Variants in PARD3B observed in about 807,000 individuals in gnomAD.
PARD3B encodes the protein par-3 family cell polarity regulator beta, also known as partitioning defective 3 homolog B.
A neutral mutation model predicts 130.2 loss-of-function variants in PARD3B; 103 were observed. That is an observed-to-expected ratio of 0.79 (90% confidence interval 0.67 to 0.93). PARD3B has a LOEUF of 0.93. Ranked by LOEUF, PARD3B falls within the 40% of genes least tolerant of loss-of-function variation. The pLI is 0.00. For missense variants in PARD3B, 1,609 were observed against 1,499.2 expected (o/e 1.07, Z -1.21); for synonymous variants, 583 against 553.2 (o/e 1.05, Z -0.76).
At chr2:204,847,751 T>G (rs1369180101) in intron 2 of PARD3B, among the ~76,000 whole-genome samples, 1 of 152,056 alleles carries the variant, frequency 6.6e-6, no homozygotes, top group Non-Finnish European at 1.5e-5. Flanking sequence ...GAAGCATAAG[T>G]GTAGTGTTGT....
At chr2:205,482,363 T>C (rs1161874671) in intron 20 of PARD3B, among the ~76,000 whole-genome samples, 1 of 152,134 alleles carries the variant, frequency 6.6e-6, no homozygotes, top group Non-Finnish European at 1.5e-5. Flanking sequence ...CTGGGCAGTT[T>C]TAGCAGTGGT....
chr2:204,739,893 A>G (rs2039924955), intron 2 of PARD3B, among the ~76,000 whole-genome samples: 1 of 152,074 alleles, frequency 6.6e-6, no homozygotes. Context: ...TTTATTTTGT[A>G]ATCATAACAC....
chr2:205,140,776 A>T (rs1277960011), intron 10 of PARD3B, among the ~76,000 whole-genome samples: 2 of 152,210 alleles, frequency 1.3e-5, no homozygotes, highest in Non-Finnish European at 2.9e-5. Flanking sequence ...GTACTTATTC[A>T]TAAATCTAGA....
intron 1 of PARD3B, among the ~76,000 whole-genome samples, chr2:204,594,166 G>A (rs917875092): frequency 6.6e-6 from 1 of 152,174 alleles, no homozygotes; most frequent in Non-Finnish European, 1.5e-5. Context: ...TTGGAGATGA[G>A]GTCGAATGCT....
chr2:205,374,217 A>G (rs1186807986), intron 18 of PARD3B, among the ~76,000 whole-genome samples: 1 of 151,352 alleles, frequency 6.6e-6, no homozygotes, highest in East Asian at 1.9e-4. Flanking sequence ...TCATAATCCC[A>G]TACAAAACAA....
chr2:205,374,794 T>A (rs2044974234), intron 18 of PARD3B, among the ~76,000 whole-genome samples: 1 of 151,932 alleles, frequency 6.6e-6, no homozygotes, highest in African/African-American at 2.4e-5. Context: ...AGATTAAGAG[T>A]GTAACCATAA....
At chr2:204,804,951 C>T (rs926052669) in intron 2 of PARD3B, among the ~76,000 whole-genome samples, 3 of 151,776 alleles carry the variant, frequency 2.0e-5, no homozygotes, top group Non-Finnish European at 2.9e-5. Context: ...CATACCAAAA[C>T]TTATGGGACA....
chr2:204,708,980 G>A (rs2038311344), intron 2 of PARD3B, among the ~76,000 whole-genome samples: 1 of 152,082 alleles, frequency 6.6e-6, no homozygotes, highest in Non-Finnish European at 1.5e-5. Flanking sequence ...TCTTATTCTG[G>A]TGGATGGGAT....
chr2:205,047,875 T>A, intron 4 of PARD3B, 185 bp downstream of exon 4: 1 of 466,028 alleles, frequency 2.1e-6, no homozygotes, highest in Non-Finnish European at 3.8e-6. Context: ...CGATAGCTAT[T>A]ACGTATATGG....
chr2:205,211,708 A>G (rs1285143473), intron 15 of PARD3B, among the ~76,000 whole-genome samples: 1 of 152,084 alleles, frequency 6.6e-6, no homozygotes, highest in African/African-American at 2.4e-5. Flanking sequence ...TATAAAAATT[A>G]AAGTGAAAAT....
chr2:205,431,439 C>A (rs1219879318), intron 19 of PARD3B, among the ~76,000 whole-genome samples: 2 of 152,010 alleles, frequency 1.3e-5, no homozygotes, highest in African/African-American at 4.8e-5. Flanking sequence ...GTGCTATTAT[C>A]CTACTTTTGG....
intron 3 of PARD3B, among the ~76,000 whole-genome samples, chr2:205,008,561 C>G (rs569738264): frequency 6.6e-6 from 1 of 152,074 alleles, no homozygotes; most frequent in East Asian, 1.9e-4. Flanking sequence ...CTTGATTGCT[C>G]TACTATTAGA....
Position 205,254,670 on chromosome 2 carries a change from T to TA in PARD3B, c.2185+8848_2185+8849insA, listed in dbSNP as rs1491536276. On this transcript the variant is annotated intron_variant, in intron 16 of 22. Coordinates refer to ENST00000406610, the MANE Select transcript of PARD3B (RefSeq NM_001302769.2). ...AATTTCAGTATTTTATTTTATTTTA[T>TA]TTTTTTTTTTTGAGATGGAGTCTCG... Among the ~76,000 whole-genome samples, 5 of 125,286 alleles carry TA rather than the reference T, an allele frequency of 4.0e-5. No homozygotes were observed. In the East Asian group the frequency reaches 1.1e-3, roughly 27 times the overall value. 82.2% of individuals were successfully genotyped at this position (125,286 alleles called of 152,430 possible).
rs554370697 is a variant in PARD3B, at chr2:205,183,687, G to A, written c.1925-2077G>A. Reference sequence around the variant, plus strand: ...GGGGCAGAGCTTGGAGCAAGTCCTTGCCTTGTGTATTTCTCAGGGTTCTGC... The same window carrying A: ...GGGGCAGAGCTTGGAGCAAGTCCTTACCTTGTGTATTTCTCAGGGTTCTGC... On this transcript the variant is annotated intron_variant, in intron 13 of 22. Transcript: ENST00000406610. This position sits in a 1 kb window ranked among gnomAD's most constrained non-coding sequence, Gnocchi z 5.2. Among the ~76,000 whole-genome samples, 12 of 151,064 alleles carry A rather than the reference G, an allele frequency of 7.9e-5. No individual in the cohort carries two copies. The highest frequency in any genetic ancestry group is 6.6e-4 in the Admixed American group (10 of 15,156).
chr2:204,790,271 C>G (rs116462191), intron 2 of PARD3B, among the ~76,000 whole-genome samples: 3,597 of 152,278 alleles, frequency 0.024, 80 homozygotes, highest in Middle Eastern at 0.044. Flanking sequence ...CAGTTAAAAA[C>G]AAGATAGTCA....
At chr2:204,658,804 T>C (rs1355346189) in intron 1 of PARD3B, among the ~76,000 whole-genome samples, 1 of 152,212 alleles carries the variant, frequency 6.6e-6, no homozygotes, top group Non-Finnish European at 1.5e-5. Context: ...CTAACTTTTA[T>C]TTCCAGGGTA....
rs1316780985 is a variant in PARD3B at position 205,281,506 on chromosome 2, T to C, written c.2186-19024T>C. On this transcript the variant is annotated intron_variant, in intron 16 of 22. Coordinates refer to ENST00000406610, the MANE Select transcript of PARD3B (RefSeq NM_001302769.2). This position sits in a 1 kb window ranked among gnomAD's most constrained non-coding sequence, Gnocchi z 4.2. ...AAACTAGGGAGATGCAGTATTTCTGTCCCAAAGTCCCAGGCACACCCTTAA... is the reference window on the plus strand; with the variant it reads ...AAACTAGGGAGATGCAGTATTTCTGCCCCAAAGTCCCAGGCACACCCTTAA... Among the ~76,000 whole-genome samples the C allele has an allele frequency of 1.3e-5, 2 of 152,058 alleles. No homozygotes were observed. Among genetic ancestry groups the C allele is most frequent in the Non-Finnish European group, 2.9e-5 (2 of 68,000 alleles).
At chr2:204,740,777 A>G (rs2039975485) in intron 2 of PARD3B, among the ~76,000 whole-genome samples, 2 of 152,230 alleles carry the variant, frequency 1.3e-5, no homozygotes, top group South Asian at 4.1e-4. Flanking sequence ...GATTTCATAC[A>G]TGACAGCTCT....
At position 205,585,976 on chromosome 2, in the gene PARD3B, A is replaced by G. The variant is rs142397097; in HGVS notation, c.3261-29480A>G. Among the ~76,000 whole-genome samples, 292 of 152,318 alleles carry G rather than the reference A, an allele frequency of 1.9e-3. 1 individual carries two copies. The highest frequency in any genetic ancestry group is 6.6e-3 in the African/African-American group (275 of 41,582). On this transcript the variant is annotated intron_variant, in intron 22 of 22. Coordinates refer to ENST00000406610, the MANE Select transcript of PARD3B (RefSeq NM_001302769.2). The surrounding 1 kb of genome is among the most constrained non-coding windows in gnomAD (Gnocchi z 5.4). ...TTGGTTTCTGAGCTTTCAGAAGGCC[A>G]ATGTGAGGAAATTCAAAACACAACA...
Sources: allele counts gnomAD v4.1 joint callset (sites outside exome capture counted in the v4.1 genomes callset), GRCh38; gene constraint gnomAD v4.1.1; non-coding constraint Gnocchi (gnomAD v3.1); transcripts MANE v1.5; gene names NCBI Gene and HGNC (gene_info 2026-07-23, HGNC 2026-07-21).